The following CEP135 variants were observed in gnomAD, a reference collection of about 807,000 sequenced individuals.
The protein encoded by CEP135 is centrosomal protein of 135 kDa.
In CEP135, 142 loss-of-function variants were observed where a neutral mutation model predicts 157.3. The ratio of observed to expected loss-of-function variants is 0.90; its 90% CI spans 0.79 to 1.04. The LOEUF (loss-of-function observed/expected upper bound fraction) is 1.04. Ranked by LOEUF, CEP135 falls within the 50% of genes least tolerant of loss-of-function variation. The pLI is 0.00. For synonymous variants in CEP135, 396 were observed against 439.8 expected (o/e 0.90, Z 1.25); for missense variants, 1,317 against 1,309.2 (o/e 1.01, Z -0.09).
chr4:55,994,686 C>CT (rs1167874369), intron 15 of CEP135, among the ~76,000 whole-genome samples: 3,330 of 139,850 alleles, frequency 0.024, 91 homozygotes, highest in African/African-American at 0.061. Context: ...CAAGCATAAT[C>CT]TTTTTTTTTT....
At chr4:56,022,406 C>CA (rs1731001643) in intron 24 of CEP135, among the ~76,000 whole-genome samples, 1 of 152,070 alleles carries the variant, frequency 6.6e-6, no homozygotes, top group East Asian at 1.9e-4. Context: ...ATAGAGGTAG[C>CA]AAAAAAATTT....
intron 7 of CEP135, chr4:55,964,913 A>G (rs1728795648): frequency 6.6e-6 from 1 of 151,988 alleles, no homozygotes; most frequent in South Asian, 2.1e-4. Flanking sequence ...TTCCTTTGCC[A>G]TGCATTTGAC....
At chr4:55,990,723 G>A (rs928396292) in intron 14 of CEP135, among the ~76,000 whole-genome samples, 2 of 151,856 alleles carry the variant, frequency 1.3e-5, no homozygotes, top group Admixed American at 6.6e-5. Flanking sequence ...GGCTGGTCTC[G>A]AGCTCCTGGC....
rs750392584 is a variant in CEP135, at chr4:55,957,252, C to A, written c.502C>A (p.Arg168Ser). 6.2e-7 allele frequency: 1 copy of A among 1,613,940 alleles called. No individual in the cohort carries two copies. Among genetic ancestry groups the A allele is most frequent in the Admixed American group, 1.7e-5 (1 of 59,984 alleles). The change falls in exon 5 of 26, where the codon CGC (arginine) becomes AGC (serine). Residue 168 changes from arginine to serine, a missense_variant. By Grantham distance (110) the Arg-to-Ser change is moderately radical (BLOSUM62 -1). Coordinates refer to ENST00000257287, the MANE Select transcript of CEP135 (RefSeq NM_025009.5). Reference sequence around the variant, plus strand: ...CAAGAAAAGAAGTATTGCTTTCAGGCGCCAGCGTATGCAAATTGATGAACC... The same window carrying A: ...CAAGAAAAGAAGTATTGCTTTCAGGAGCCAGCGTATGCAAATTGATGAACC... ...GGKKRSIAFRRQRMQIDEPVP... is the reference protein window; with the variant it reads ...GGKKRSIAFRSQRMQIDEPVP...
intron 1 of CEP135, among the ~76,000 whole-genome samples, chr4:55,950,067 C>G (rs1418753513): frequency 6.6e-6 from 1 of 151,950 alleles, no homozygotes; most frequent in Non-Finnish European, 1.5e-5. Context: ...AGGAATTTCC[C>G]TAAAAACCCT....
chr4:56,019,368 G>T lies in CEP135; in HGVS notation c.3028G>T (p.Glu1010Ter). ...LEFERVVVEL[E>*]NVKSESDLLK... ...TTTCACGTAGGTTGTGGTGGAATTA[G>T]AAAATGTAAAGTCAGAGTCAGACCT... Residue 1010 changes from glutamate (E) to a stop codon, truncating the protein, a stop_gained, in exon 23 of 26, where the codon GAA (glutamate) becomes TAA (stop). Transcript: ENST00000257287. LOFTEE classifies it high-confidence loss of function. The T allele has an allele frequency of 6.2e-7, 1 of 1,610,694 alleles. No individual in the cohort carries two copies. The highest frequency in any genetic ancestry group is 1.1e-5 in the South Asian group (1 of 90,116).
At chr4:55,984,170 G>T (rs1729500811) in intron 13 of CEP135, among the ~76,000 whole-genome samples, 2 of 152,128 alleles carry the variant, frequency 1.3e-5, no homozygotes, top group African/African-American at 4.8e-5. Flanking sequence ...TCAGTGATTG[G>T]CCTTTGCCTA....
At chr4:55,952,938 T>C (rs1728402875) in intron 2 of CEP135, 147 bp from the exon 3 acceptor site, 1 of 605,412 alleles carries the variant, frequency 1.7e-6, no homozygotes, top group East Asian at 3.3e-5. Context: ...CTTACAGGAC[T>C]ACTCTCCTTC....
At chr4:55,980,807 C>A (rs1380570886) in intron 12 of CEP135, among the ~76,000 whole-genome samples, 1 of 152,104 alleles carries the variant, frequency 6.6e-6, no homozygotes, top group Non-Finnish European at 1.5e-5. Context: ...GTTCACATAC[C>A]CATCTCCCAT....
At chr4:55,950,104 A>T (rs1162979500) in intron 1 of CEP135, among the ~76,000 whole-genome samples, 2 of 152,212 alleles carry the variant, frequency 1.3e-5, no homozygotes, top group Non-Finnish European at 2.9e-5. Flanking sequence ...TCTTGTGGAA[A>T]GAACCTAGGA....
intron 18 of CEP135, 44 bp downstream of exon 18, chr4:56,008,426 C>T (rs770209421): frequency 7.0e-7 from 1 of 1,428,528 alleles, no homozygotes; most frequent in South Asian, 1.2e-5. Flanking sequence ...AGGAGATTTT[C>T]AGTGAATACA....
intron 21 of CEP135, among the ~76,000 whole-genome samples, chr4:56,013,661 A>G (rs1730670100): frequency 6.6e-6 from 1 of 152,204 alleles, no homozygotes; most frequent in African/African-American, 2.4e-5. Context: ...GTTAAAATAT[A>G]GGGACCCTGG....
chr4:55,951,815 TC>T, intron 1 of CEP135, among the ~76,000 whole-genome samples: 1 of 152,222 alleles, frequency 6.6e-6, no homozygotes, highest in East Asian at 1.9e-4. Context: ...CTGAGAAGTC[TC>T]TGCCTACTTC....
rs1468968489 is a variant in CEP135, at chr4:56,011,966, T to C, written c.2783T>C (p.Leu928Ser). 2.6e-6 allele frequency: 4 copies of C among 1,545,414 alleles called. No homozygotes were observed. The Admixed American group carries it at 8.6e-5, about 33-fold the overall frequency. Reference sequence around the variant, plus strand: ...CATCTTCGAGAAAGAGTGGAGCTATTAGAAAAAGAAATTCAAGAGGTAATA... The same window carrying C: ...CATCTTCGAGAAAGAGTGGAGCTATCAGAAAAAGAAATTCAAGAGGTAATA... ...RRHLRERVEL[L>S]EKEIQEHINA... The change falls in exon 21 of 26, where the codon TTA becomes TCA. Residue 928 changes from leucine (L) to serine (S), a missense_variant. Coordinates refer to ENST00000257287, the MANE Select transcript of CEP135 (RefSeq NM_025009.5).
At chr4:55,981,154 C>T in intron 12 of CEP135, 73 bp from the exon 13 acceptor site, 1 of 1,411,160 alleles carries the variant, frequency 7.1e-7, no homozygotes, top group East Asian at 2.6e-5. Context: ...TAACTGGAAA[C>T]ATATCCAAAG....
At position 56,011,800 on chromosome 4, in the gene CEP135, G is replaced by A. The variant is rs759727270; in HGVS notation, c.2617G>A (p.Glu873Lys). The part of the protein sequence containing the change: ...SRWESLMAAK[E>K]KENQDLLDRF... ...AACAATTTTATTGTGATTAAACCAGGAAAAAGAAAATCAAGATTTGTTAGA... is the reference window on the plus strand; with the variant it reads ...AACAATTTTATTGTGATTAAACCAGAAAAAAGAAAATCAAGATTTGTTAGA... The change falls in exon 21 of 26, where the codon GAA becomes AAA. Residue 873 changes from glutamate to lysine, a missense_variant and splice_region_variant. Physicochemically the swap from Glu to Lys is moderately conservative, Grantham distance 56. Coordinates refer to ENST00000257287, the MANE Select transcript of CEP135 (RefSeq NM_025009.5). 2 of 1,567,776 alleles carry A rather than the reference G, an allele frequency of 1.3e-6. No individual in the cohort carries two copies. Among genetic ancestry groups the A allele is most frequent in the Non-Finnish European group, 1.7e-6 (2 of 1,164,364 alleles).
At chr4:56,013,906 G>T (rs1048241343) in intron 21 of CEP135, among the ~76,000 whole-genome samples, 7 of 152,236 alleles carry the variant, frequency 4.6e-5, no homozygotes, top group African/African-American at 1.4e-4. Flanking sequence ...AAGACCAATG[G>T]ACTGATGTCT....
intron 24 of CEP135, among the ~76,000 whole-genome samples, chr4:56,022,486 A>C (rs540448173): frequency 1.2e-4 from 18 of 152,294 alleles, no homozygotes; most frequent in Admixed American, 3.3e-4. Context: ...AGTGTATTAA[A>C]ATTTCATGGG....
intron 4 of CEP135, among the ~76,000 whole-genome samples, chr4:55,956,759 C>A (rs866010886): frequency 1.3e-5 from 2 of 152,076 alleles, no homozygotes; most frequent in African/African-American, 4.8e-5. Context: ...TACAGGTGCC[C>A]GTTACCACGC....
Sources: gnomAD v4.1 joint callset for allele counts (sites outside exome capture counted in the v4.1 genomes callset) on GRCh38, gnomAD v4.1.1 for gene constraint, MANE v1.5 for transcripts, NCBI Gene and HGNC (gene_info 2026-07-23, HGNC 2026-07-21) for gene names.